SLC31A2: variants seen among roughly 807,000 people sequenced by gnomAD.
SLC31A2 encodes protein SLC31A2.
SLC31A2 carries 16 observed loss-of-function variants against 14.4 expected under a neutral mutation model. The observed-to-expected ratio is 1.11, with a 90% CI of 0.75 to 1.69. The LOEUF (loss-of-function observed/expected upper bound fraction) is 1.69. Among genes scored for constraint, SLC31A2 ranks in the 40% most tolerant of loss-of-function variants. The pLI is 0.00. For missense variants in SLC31A2, 140 were observed against 173.9 expected, an observed-to-expected ratio of 0.81 and a Z score of 1.10; for synonymous variants, 56 against 68.7, an observed-to-expected ratio of 0.82 and a Z score of 0.91.
chr9:113,155,506 G>T (rs4599885), intron 1 of SLC31A2, among the ~76,000 whole-genome samples: 60,228 of 151,854 alleles, frequency 0.4, 12,924 homozygotes, highest in Non-Finnish European at 0.49. Context: ...CTCCCAGCAT[G>T]AAAAAAGAGG....
chr9:113,162,883 ACTAC>A lies in SLC31A2; in HGVS notation c.402_405del (p.Tyr134Ter). ...GTGGTCTTGGGCTCTGCTGTGGGCT[ACTAC>A]CTAGCTTACCCACTTCTCAGCACAG... On this transcript the variant is annotated frameshift_variant, in exon 4 of 4. Transcript: ENST00000259392. LOFTEE classifies it high-confidence loss of function. The A allele has an allele frequency of 6.2e-7, 1 of 1,612,620 alleles. No individual in the cohort carries two copies. Among genetic ancestry groups the A allele is most frequent in the African/African-American group, 1.3e-5 (1 of 75,004 alleles).
intron 2 of SLC31A2, among the ~76,000 whole-genome samples, chr9:113,158,499 T>A (rs1430521383): frequency 6.6e-6 from 1 of 152,186 alleles, no homozygotes; most frequent in African/African-American, 2.4e-5. Flanking sequence ...AGGTGAGTGG[T>A]CCTTACTGAA....
Position 113,151,395 on chromosome 9 carries a change from GCCCC to G in SLC31A2, c.6+316_6+319del, listed in dbSNP as rs1268780975. 7.9e-5 allele frequency among the ~76,000 whole-genome samples: 12 copies of G among 151,912 alleles called. No individual in the cohort carries two copies. Among genetic ancestry groups the G allele is most frequent in the East Asian group, 5.9e-4 (3 of 5,090 alleles). On this transcript the variant is annotated intron_variant, in intron 1 of 3. Coordinates refer to ENST00000259392, the MANE Select transcript of SLC31A2 (RefSeq NM_001860.3). This position sits in a 1 kb window ranked among gnomAD's most constrained non-coding sequence, Gnocchi z 4.2. ...AAGACAGCTGGGTCCGGGGCCCCCG[GCCCC>G]GGACCTCTGGCCGGCGCCCCAGGGC...
chr9:113,153,077 T>G (rs780766850), intron 1 of SLC31A2, among the ~76,000 whole-genome samples: 5 of 152,066 alleles, frequency 3.3e-5, no homozygotes, highest in Non-Finnish European at 5.9e-5. Flanking sequence ...CCTGTTTGGT[T>G]TTGTATATCA....
At chr9:113,161,870 T>C in intron 3 of SLC31A2, 172 bp downstream of exon 3, 1 of 744,026 alleles carries the variant, frequency 1.3e-6, no homozygotes, top group Non-Finnish European at 2.3e-6. Context: ...TCATGTCTCC[T>C]GATGCCCAGG....
rs1294352593 is a variant in SLC31A2 at position 113,161,498 on chromosome 9, T to G, written c.74-11T>G. The G allele has an allele frequency of 6.2e-7, 1 of 1,613,514 alleles. No individual in the cohort carries two copies. The highest frequency in any genetic ancestry group is 2.2e-5 in the East Asian group (1 of 44,888). ...CTGGCCAGGTCTCCACAACTCTGCC[T>G]CCTTTGACAGGCATGGCCCTTTCGG... On this transcript the variant is annotated splice_polypyrimidine_tract_variant and intron_variant, in intron 2 of 3. Coordinates refer to ENST00000259392, the MANE Select transcript of SLC31A2 (RefSeq NM_001860.3).
rs1231784161 is a variant in SLC31A2 at position 113,153,452 on chromosome 9, C to G, written c.6+2372C>G. On this transcript the variant is annotated intron_variant, in intron 1 of 3. Coordinates refer to ENST00000259392, the MANE Select transcript of SLC31A2 (RefSeq NM_001860.3). ...CCAACAAACACCTGTCCTAGAAACA[C>G]CTGTCCCAGAAACACCCAGTACACT... is the stretch of plus-strand genomic sequence containing the variant. Among the ~76,000 whole-genome samples, 4 of 142,130 alleles carry G rather than the reference C, an allele frequency of 2.8e-5. No homozygotes were observed. In the East Asian group the frequency reaches 7.7e-4, roughly 27 times the overall value. 93.2% of individuals were successfully genotyped at this position (142,130 alleles called of 152,430 possible).
intron 3 of SLC31A2, 95 bp from the exon 4 acceptor site, chr9:113,162,654 C>T (rs190320460): frequency 2.2e-5 from 26 of 1,171,830 alleles, no homozygotes; most frequent in East Asian, 1.7e-4. Context: ...AATCGGGTCA[C>T]GTAACTCAAC....
chr9:113,161,521 C>T lies in SLC31A2; in HGVS notation c.86C>T (p.Ser29Leu), dbSNP rs200288219. The T allele has an allele frequency of 9.7e-5, 157 of 1,613,946 alleles. 1 individual carries two copies. The East Asian group carries it at 2.1e-3, about 21-fold the overall frequency. Residue 29 changes from serine (S) to leucine (L), a missense_variant, in exon 3 of 4, where the codon TCG (serine) becomes TTG (leucine). Coordinates refer to ENST00000259392, the MANE Select transcript of SLC31A2 (RefSeq NM_001860.3). The part of the protein sequence containing the change: ...SVHSPAGMAL[S>L]VLVLLLLAVL... ...CCTCCTTTGACAGGCATGGCCCTTT[C>T]GGTGTTGGTGCTCCTGCTTCTGGCT...
chr9:113,160,547 T>C (rs942733889), intron 2 of SLC31A2, among the ~76,000 whole-genome samples: 1 of 152,238 alleles, frequency 6.6e-6, no homozygotes, highest in Admixed American at 6.5e-5. Context: ...TAACTATAAA[T>C]TTCCCTACTG....
chr9:113,161,743 C>A (rs749916126), intron 3 of SLC31A2, 45 bp downstream of exon 3: 1 of 1,593,488 alleles, frequency 6.3e-7, no homozygotes, highest in Non-Finnish European at 8.6e-7. Flanking sequence ...CTCACATTCA[C>A]CCTGAGAGAC....
intron 3 of SLC31A2, chr9:113,162,467 C>G (rs1415593797): frequency 6.9e-6 from 2 of 290,628 alleles, no homozygotes; most frequent in Non-Finnish European, 1.3e-5. Context: ...TATTCCTTAT[C>G]AGAAAGACAG....
intron 3 of SLC31A2, chr9:113,162,000 A>C: frequency 2.1e-6 from 1 of 468,332 alleles, no homozygotes; most frequent in East Asian, 4.9e-5. Context: ...CCCTCCCCCA[A>C]ATCTCACCAG....
chr9:113,157,501 ATT>A (rs1372244457), intron 1 of SLC31A2, among the ~76,000 whole-genome samples: 18 of 152,116 alleles, frequency 1.2e-4, no homozygotes, highest in Admixed American at 1.2e-3. Context: ...CCACACCTCT[ATT>A]CTCATATGGA....
chr9:113,156,108 C>A (rs1829931323), intron 1 of SLC31A2: 1 of 518,678 alleles, frequency 1.9e-6, no homozygotes, highest in African/African-American at 1.9e-5. Flanking sequence ...AAAATGGCAG[C>A]TAATCAAATC....
In SLC31A2 at chr9:113,157,874, T is replaced by C. The variant is rs565476785; in HGVS notation, c.73+81T>C. 11 of 1,058,766 alleles carry C rather than the reference T, an allele frequency of 1.0e-5. No homozygotes were observed. The Middle Eastern group carries it at 5.9e-4, about 57-fold the overall frequency. 65.6% of individuals were successfully genotyped at this position (1,058,766 alleles called of 1,614,324 possible). On this transcript the variant is annotated intron_variant, in intron 2 of 3. Coordinates refer to ENST00000259392, the MANE Select transcript of SLC31A2 (RefSeq NM_001860.3). ...GGGAGAATCTGGGTTCTCTTGATTC[T>C]CTGTGGGCATTTAAGTGAGGCTGAT... is the stretch of plus-strand genomic sequence containing the variant.
Position 113,157,709 on chromosome 9 carries a change from G to A in SLC31A2, c.7-18G>A, listed in dbSNP as rs79528407. 10,302 of 1,605,344 alleles carry A rather than the reference G, an allele frequency of 6.4e-3. 889 individuals are homozygous for A. In the East Asian group the frequency reaches 0.2, roughly 31 times the overall value. ...CACTGCCCTGTGCCCCTATGATGCA[G>A]ATTCCTTTCTCTTTCAGATGCATTT... On this transcript the variant is annotated intron_variant, in intron 1 of 3. Coordinates refer to ENST00000259392, the MANE Select transcript of SLC31A2 (RefSeq NM_001860.3).
At position 113,151,185 on chromosome 9, in the gene SLC31A2, G is replaced by A; in HGVS notation, c.6+105G>A. On this transcript the variant is annotated intron_variant, in intron 1 of 3. Transcript: ENST00000259392. The surrounding 1 kb of genome is among the most constrained non-coding windows in gnomAD (Gnocchi z 4.2). Reference sequence around the variant, plus strand: ...CCTCGCTGCCGCTGGCCCGGGGCTGGTGAAGGGTGTGTTGGCAGCATTGCC... The same window carrying A: ...CCTCGCTGCCGCTGGCCCGGGGCTGATGAAGGGTGTGTTGGCAGCATTGCC... 8.6e-7 allele frequency: 1 copy of A among 1,165,416 alleles called. No individual in the cohort carries two copies. Among genetic ancestry groups the A allele is most frequent in the Non-Finnish European group, 1.1e-6 (1 of 910,240 alleles). 72.2% of individuals were successfully genotyped at this position (1,165,416 alleles called of 1,614,324 possible).
At chr9:113,158,740 C>T (rs1336595659) in intron 2 of SLC31A2, among the ~76,000 whole-genome samples, 4 of 152,170 alleles carry the variant, frequency 2.6e-5, no homozygotes. Context: ...GTGGGATTTT[C>T]AAGACCTAGC....
Sources: allele counts gnomAD v4.1 joint callset (sites outside exome capture counted in the v4.1 genomes callset), GRCh38; gene constraint gnomAD v4.1.1; non-coding constraint Gnocchi (gnomAD v3.1); transcripts MANE v1.5; gene names NCBI Gene and HGNC (gene_info 2026-07-23, HGNC 2026-07-21).